The following ART3 variants were observed in gnomAD, a reference collection of about 807,000 sequenced individuals.
ART3 encodes the protein ecto-ADP-ribosyltransferase 3.
Under a neutral mutation model 48.5 loss-of-function variants are expected in ART3, and 49 were observed. The observed-to-expected ratio is 1.01, with a 90% CI of 0.80 to 1.28. The LOEUF (loss-of-function observed/expected upper bound fraction) is 1.28, where lower values mean the gene tolerates loss of function less well. Ranked by LOEUF, ART3 falls within the 50% of genes most tolerant of loss-of-function variation. ART3 has a pLI of 0.00. For missense variants in ART3, 438 were observed against 454.3 expected, an observed-to-expected ratio of 0.96 and a Z score of 0.33; for synonymous variants, 145 against 157.2, an observed-to-expected ratio of 0.92 and a Z score of 0.58.
chr4:76,054,602 C>T (rs1485835497), intron 1 of ART3, among the ~76,000 whole-genome samples: 2 of 152,126 alleles, frequency 1.3e-5, no homozygotes, highest in Non-Finnish European at 2.9e-5. Flanking sequence ...GAAGCTGAAA[C>T]AGGAGGATCA....
intron 3 of ART3, among the ~76,000 whole-genome samples, chr4:76,088,551 C>T (rs1724124900): frequency 6.6e-6 from 1 of 152,150 alleles, no homozygotes; most frequent in Non-Finnish European, 1.5e-5. Flanking sequence ...TATAAATCTA[C>T]CCCAGCCCTT....
intron 1 of ART3, among the ~76,000 whole-genome samples, chr4:76,068,986 G>A (rs976340112): frequency 1.3e-5 from 2 of 152,156 alleles, no homozygotes; most frequent in Non-Finnish European, 1.5e-5. Flanking sequence ...ACAGATTTGT[G>A]CAACCATCAC....
chr4:76,040,520 T>TC (rs1312963160), intron 1 of ART3, among the ~76,000 whole-genome samples: 9 of 90,038 alleles, frequency 1.0e-4, no homozygotes, highest in African/African-American at 1.5e-4. Flanking sequence ...TATCAGGTTC[T>TC]CCCCCCCGCC....
At chr4:76,017,253 G>A (rs1732350960) in intron 1 of ART3, among the ~76,000 whole-genome samples, 1 of 148,782 alleles carries the variant, frequency 6.7e-6, no homozygotes, top group Non-Finnish European at 1.5e-5. Context: ...TTGGCTGCTG[G>A]TTATTCAGTG....
chr4:76,111,517 T>C (rs558605474), intron 11 of ART3, among the ~76,000 whole-genome samples: 1 of 151,704 alleles, frequency 6.6e-6, no homozygotes, highest in Non-Finnish European at 1.5e-5. Context: ...TAATATTTTT[T>C]CTCTATTTTA....
intron 3 of ART3, among the ~76,000 whole-genome samples, chr4:76,083,442 TTA>T (rs1400577479): frequency 1.3e-5 from 2 of 152,202 alleles, no homozygotes; most frequent in Admixed American, 6.5e-5. Flanking sequence ...TAAGAATTTT[TTA>T]TGTGTTCAGC....
chr4:76,040,186 A>T (rs1201617709), intron 1 of ART3, among the ~76,000 whole-genome samples: 1 of 152,100 alleles, frequency 6.6e-6, no homozygotes, highest in African/African-American at 2.4e-5. Flanking sequence ...TCAGCTGGGT[A>T]TGGTGGCGCA....
At chr4:76,078,197 T>C (rs988809739) in intron 2 of ART3, among the ~76,000 whole-genome samples, 2 of 152,172 alleles carry the variant, frequency 1.3e-5, no homozygotes, top group Admixed American at 1.3e-4. Flanking sequence ...TTATGAACTT[T>C]GTCACTGCTC....
chr4:76,031,618 C>T (rs1194081950), intron 1 of ART3, among the ~76,000 whole-genome samples: 2 of 152,234 alleles, frequency 1.3e-5, no homozygotes, highest in African/African-American at 4.8e-5. Context: ...TGTCCTTCAT[C>T]CTTCCAACCA....
chr4:76,078,391 G>T (rs1374417734), intron 2 of ART3, among the ~76,000 whole-genome samples: 1 of 152,146 alleles, frequency 6.6e-6, no homozygotes, highest in East Asian at 1.9e-4. Flanking sequence ...CTTATACGGT[G>T]TTGAAGTCTT....
intron 1 of ART3, among the ~76,000 whole-genome samples, chr4:76,051,300 A>AT (rs1408903811): frequency 8.2e-5 from 8 of 97,034 alleles, no homozygotes; most frequent in East Asian, 1.4e-3. Flanking sequence ...CTGCCGGTGG[A>AT]TTTTTTTTTA....
intron 1 of ART3, among the ~76,000 whole-genome samples, chr4:76,049,386 C>T (rs10034055): frequency 0.59 from 89,472 of 151,316 alleles, 27,596 homozygotes; most frequent in East Asian, 0.94. Context: ...TTGAGAGTGC[C>T]GCTCATGGCC....
At chr4:76,048,826 A>AC (rs34710703) in intron 1 of ART3, among the ~76,000 whole-genome samples, 89,331 of 151,270 alleles carry the variant, frequency 0.59, 27,502 homozygotes, top group East Asian at 0.94. Context: ...AGTGGCCCTT[A>AC]TGATGCATTC....
At chr4:76,067,647 C>T (rs952487156) in intron 1 of ART3, among the ~76,000 whole-genome samples, 3 of 152,166 alleles carry the variant, frequency 2.0e-5, no homozygotes, top group South Asian at 4.1e-4. Context: ...TGGAAATCAA[C>T]GTAGTTCACA....
intron 1 of ART3, among the ~76,000 whole-genome samples, chr4:76,017,486 C>T (rs1287196272): frequency 6.6e-6 from 1 of 151,866 alleles, no homozygotes; most frequent in Non-Finnish European, 1.5e-5. Context: ...TCCCTCTCCT[C>T]AAGCAGAAGG....
intron 1 of ART3, among the ~76,000 whole-genome samples, chr4:76,026,647 A>G (rs1434089327): frequency 1.3e-5 from 2 of 152,122 alleles, no homozygotes; most frequent in Non-Finnish European, 1.5e-5. Flanking sequence ...TCATTCCGGA[A>G]CTCTGGTAAA....
rs989710499 is a variant in ART3 at position 76,081,955 on chromosome 4, T to C, written c.201T>C (p.Asp67=). ...AAAAAGCAAGCCACCAGCAATTAGA[T>C]ACTGTGTGGGAAAATGCAAAAGCCA... is the stretch of plus-strand genomic sequence containing the variant. ...KEEKASHQQL[D]TVWENAKAKW... Residue 67 remains aspartate (D), a synonymous_variant, in exon 3 of 12, where the codon GAT becomes GAC. Coordinates refer to ENST00000355810, the MANE Select transcript of ART3 (RefSeq NM_001130016.3). 3 of 1,614,032 alleles carry C rather than the reference T, an allele frequency of 1.9e-6. No individual in the cohort carries two copies. The highest frequency in any genetic ancestry group is 2.7e-5 in the African/African-American group (2 of 74,928).
intron 3 of ART3, among the ~76,000 whole-genome samples, chr4:76,087,747 G>T (rs1323685341): frequency 6.6e-6 from 1 of 152,130 alleles, no homozygotes; most frequent in Non-Finnish European, 1.5e-5. Flanking sequence ...TATAGTTCCT[G>T]GTGGTCATAG....
At chr4:76,022,501 C>A in intron 1 of ART3, 1 of 1,567,450 alleles carries the variant, frequency 6.4e-7, no homozygotes, top group South Asian at 1.1e-5. Flanking sequence ...TGTGTTGGGT[C>A]AATAAAACAG....
Sources: allele counts gnomAD v4.1 joint callset (sites outside exome capture counted in the v4.1 genomes callset), GRCh38; gene constraint gnomAD v4.1.1; transcripts MANE v1.5; gene names NCBI Gene and HGNC (gene_info 2026-07-23, HGNC 2026-07-21).